Variants in TRAPPC10 observed in about 807,000 individuals in gnomAD.
TRAPPC10 encodes TRAPP 130 kDa subunit.
Under a neutral mutation model 125.5 loss-of-function variants are expected in TRAPPC10, and 23 were observed. The observed-to-expected ratio is 0.18, with a 90% confidence interval of 0.13 to 0.26. The LOEUF is 0.26. Ranked by LOEUF, TRAPPC10 falls within the 10% of genes least tolerant of loss-of-function variation. The pLI is 1.00. For synonymous variants in TRAPPC10, 509 were observed against 518.0 expected, an observed-to-expected ratio of 0.98 and a Z score of 0.24; for missense variants, 1,123 against 1,308.4, an observed-to-expected ratio of 0.86 and a Z score of 2.19.
chr21:44,067,561 C>G (rs564559053), intron 7 of TRAPPC10, among the ~76,000 whole-genome samples: 1 of 152,174 alleles, frequency 6.6e-6, no homozygotes, highest in Admixed American at 6.5e-5. Context: ...ATTCAAGAAA[C>G]GTTTCCTTGC....
At position 44,020,778 on chromosome 21, in the gene TRAPPC10, A is replaced by G. The variant is rs568126600; in HGVS notation, c.67+8218A>G. ...CACTGTCAGTTCACCTAGACCAGTCAGCAAGCTCTAAACATCCAGGTTAAT... is the reference window on the plus strand; with the variant it reads ...CACTGTCAGTTCACCTAGACCAGTCGGCAAGCTCTAAACATCCAGGTTAAT... On this transcript the variant is annotated intron_variant, in intron 1 of 22. Coordinates refer to ENST00000291574, the MANE Select transcript of TRAPPC10 (RefSeq NM_003274.5). 2.0e-5 allele frequency among the ~76,000 whole-genome samples: 3 copies of G among 152,364 alleles called. No individual in the cohort carries two copies. The East Asian group carries it at 5.8e-4, about 29-fold the overall frequency.
At chr21:44,026,651 C>T (rs1029462135) in intron 1 of TRAPPC10, among the ~76,000 whole-genome samples, 1 of 152,158 alleles carries the variant, frequency 6.6e-6, no homozygotes, top group Non-Finnish European at 1.5e-5. Flanking sequence ...TTCTGTAAAG[C>T]AAATCTTAGA....
chr21:44,077,908 C>T, intron 11 of TRAPPC10, 124 bp downstream of exon 11: 1 of 581,336 alleles, frequency 1.7e-6, no homozygotes, highest in Non-Finnish European at 2.7e-6. Flanking sequence ...ATTCTCTTAC[C>T]CAGTCCTCAT....
At chr21:44,030,344 G>C (rs192298149) in intron 1 of TRAPPC10, among the ~76,000 whole-genome samples, 4 of 152,264 alleles carry the variant, frequency 2.6e-5, no homozygotes, top group African/African-American at 9.6e-5. Flanking sequence ...TTAGCAAAGA[G>C]TAATGATTTT....
At chr21:44,032,624 C>T (rs763195742) in intron 2 of TRAPPC10, among the ~76,000 whole-genome samples, 7 of 152,160 alleles carry the variant, frequency 4.6e-5, no homozygotes, top group African/African-American at 7.2e-5. Context: ...TCAACTGACC[C>T]GCCCTCCTCG....
chr21:44,067,934 A>G (rs1039282577), intron 7 of TRAPPC10, among the ~76,000 whole-genome samples: 2 of 152,134 alleles, frequency 1.3e-5, no homozygotes, highest in East Asian at 1.9e-4. Flanking sequence ...AGCCTGGCCA[A>G]TATGGTGAAA....
intron 2 of TRAPPC10, among the ~76,000 whole-genome samples, chr21:44,037,006 G>A (rs1165772656): frequency 6.6e-6 from 1 of 152,206 alleles, no homozygotes; most frequent in Non-Finnish European, 1.5e-5. Flanking sequence ...AGTAGAAAAT[G>A]TACATATTTA....
intron 3 of TRAPPC10, among the ~76,000 whole-genome samples, chr21:44,050,104 T>C (rs2035134366): frequency 6.6e-6 from 1 of 152,070 alleles, no homozygotes; most frequent in Non-Finnish European, 1.5e-5. Flanking sequence ...GACTTTGTTT[T>C]CTTTAGAGAC....
intron 7 of TRAPPC10, among the ~76,000 whole-genome samples, chr21:44,068,185 A>T (rs933644228): frequency 3.3e-5 from 5 of 152,008 alleles, no homozygotes. Context: ...TGTGCCAACC[A>T]TTGTGGTAGG....
In TRAPPC10 at chr21:44,059,698, A is replaced by G. The variant is rs1030815786; in HGVS notation, c.790+484A>G. 3.9e-6 allele frequency: 2 copies of G among 515,162 alleles called. No individual in the cohort carries two copies. The highest frequency in any genetic ancestry group is 6.9e-6 in the Non-Finnish European group (2 of 289,010). 31.9% of individuals were successfully genotyped at this position (515,162 alleles called of 1,614,324 possible). ...TAAAGAATTAGCACAGTGAAACCATACACAGAGAGAAACATTGGTTATTGT... is the reference window on the plus strand; with the variant it reads ...TAAAGAATTAGCACAGTGAAACCATGCACAGAGAGAAACATTGGTTATTGT... On this transcript the variant is annotated intron_variant, in intron 6 of 22. Transcript: ENST00000291574. The surrounding 1 kb of genome is among the most constrained non-coding windows in gnomAD (Gnocchi z 4.4).
intron 6 of TRAPPC10, among the ~76,000 whole-genome samples, chr21:44,061,644 G>A (rs1382139974): frequency 6.6e-6 from 1 of 152,124 alleles, no homozygotes; most frequent in Non-Finnish European, 1.5e-5. Flanking sequence ...ATAAAGAAAT[G>A]GCAATAACTG....
At chr21:44,032,258 G>A (rs1432529649) in intron 2 of TRAPPC10, 86 bp downstream of exon 2, 6 of 1,109,410 alleles carry the variant, frequency 5.4e-6, no homozygotes, top group Non-Finnish European at 7.9e-6. Flanking sequence ...ATGTTGTTTA[G>A]ACATTTATGT....
At chr21:44,086,204 C>G (rs1416717326) in intron 15 of TRAPPC10, among the ~76,000 whole-genome samples, 1 of 152,206 alleles carries the variant, frequency 6.6e-6, no homozygotes, top group Non-Finnish European at 1.5e-5. Context: ...TGCCTAGTGT[C>G]CCCTGTCTCT....
chr21:44,063,491 G>GCACCTTTC lies in TRAPPC10; in HGVS notation c.791-47_791-46insCACCTTTC. The stretch of plus-strand genomic sequence containing the variant: ...TCAGCCTGAGCAGGAAGCTCAGGAA[G>GCACCTTTC]GTGAAGTACCTGCAATCAGCACCTT... On this transcript the variant is annotated intron_variant, in intron 6 of 22. Coordinates refer to ENST00000291574, the MANE Select transcript of TRAPPC10 (RefSeq NM_003274.5). This position sits in a 1 kb window ranked among gnomAD's most constrained non-coding sequence, Gnocchi z 4.4. 1 of 1,597,332 alleles carries GCACCTTTC rather than the reference G, an allele frequency of 6.3e-7. No individual in the cohort carries two copies. Among genetic ancestry groups the GCACCTTTC allele is most frequent in the South Asian group, 1.1e-5 (1 of 88,132 alleles).
intron 7 of TRAPPC10, among the ~76,000 whole-genome samples, chr21:44,066,162 A>G (rs2036437034): frequency 6.6e-6 from 1 of 152,228 alleles, no homozygotes; most frequent in African/African-American, 2.4e-5. Flanking sequence ...CTTATAAAAC[A>G]TGTCCTGCTA....
chr21:44,047,426 A>G (rs910632302), intron 3 of TRAPPC10, among the ~76,000 whole-genome samples: 5 of 152,050 alleles, frequency 3.3e-5, no homozygotes, highest in Non-Finnish European at 5.9e-5. Flanking sequence ...AGTGATCCCA[A>G]AGTGCTGGGA....
chr21:44,090,915 GGGCGT>G (rs1233234958), intron 18 of TRAPPC10, among the ~76,000 whole-genome samples: 1 of 152,132 alleles, frequency 6.6e-6, no homozygotes, highest in East Asian at 1.9e-4. Flanking sequence ...TTTTTCAGCC[GGGCGT>G]GGTGGCTCAT....
At chr21:44,070,074 T>C (rs1273925237) in intron 7 of TRAPPC10, among the ~76,000 whole-genome samples, 1 of 152,100 alleles carries the variant, frequency 6.6e-6, no homozygotes, top group Non-Finnish European at 1.5e-5. Context: ...GTGAGCTCTC[T>C]GGCAGGTGGA....
Position 44,059,024 on chromosome 21 carries a change from GTT to G in TRAPPC10, c.679-77_679-76del. 2 of 1,091,728 alleles carry G rather than the reference GTT, an allele frequency of 1.8e-6. No individual in the cohort carries two copies. Among genetic ancestry groups the G allele is most frequent in the East Asian group, 2.6e-5 (1 of 38,680 alleles). 67.6% of individuals were successfully genotyped at this position (1,091,728 alleles called of 1,614,324 possible). On this transcript the variant is annotated intron_variant, in intron 5 of 22. Transcript: ENST00000291574. The surrounding 1 kb of genome is among the most constrained non-coding windows in gnomAD (Gnocchi z 4.4). The stretch of plus-strand genomic sequence containing the variant: ...ATAGTGCTGCGTGCCTTTCTCTGTC[GTT>G]TAATGGCTACATACTGTTTCTTCTA...
Sources: gnomAD v4.1 joint callset for allele counts (sites outside exome capture counted in the v4.1 genomes callset) on GRCh38, gnomAD v4.1.1 for gene constraint, Gnocchi (gnomAD v3.1) non-coding constraint, MANE v1.5 for transcripts, NCBI Gene and HGNC (gene_info 2026-07-23, HGNC 2026-07-21) for gene names.